Variants in FLRT2 observed in about 807,000 individuals in gnomAD.
FLRT2 encodes fibronectin leucine rich transmembrane protein 2.
FLRT2 carries 15 observed loss-of-function variants against 40.0 expected under a neutral mutation model. The observed-to-expected ratio is 0.38, with a 90% CI of 0.25 to 0.58. The LOEUF is 0.58. Among genes scored for constraint, FLRT2 ranks in the 20% least tolerant of loss-of-function variants. The probability of loss-of-function intolerance (pLI) is 0.71; values close to 1 mark genes in which losing one functional copy is unlikely to be tolerated. For synonymous variants in FLRT2, 380 were observed against 336.8 expected (o/e 1.13, Z -1.41); for missense variants, 726 against 840.0 (o/e 0.86, Z 1.68).
chr14:85,596,447 A>G (rs1471461584), intron 1 of FLRT2, among the ~76,000 whole-genome samples: 1 of 152,202 alleles, frequency 6.6e-6, no homozygotes, highest in Non-Finnish European at 1.5e-5. Context: ...TACGCCTTTT[A>G]CAATCATGGA....
At chr14:85,547,169 C>G (rs1889322361) in intron 1 of FLRT2, among the ~76,000 whole-genome samples, 2 of 152,098 alleles carry the variant, frequency 1.3e-5, no homozygotes, top group African/African-American at 2.4e-5. Context: ...GTTTGACTTT[C>G]AAGGTCCCTC....
intron 1 of FLRT2, among the ~76,000 whole-genome samples, chr14:85,539,583 G>A (rs1955408): frequency 0.88 from 133,420 of 152,114 alleles, 59,222 homozygotes; most frequent in Non-Finnish European, 0.95. Flanking sequence ...ATGTCAGCAT[G>A]CTTCTTTCTA....
Position 85,626,235 on chromosome 14 carries a change from T to C in FLRT2, c.*2738T>C, listed in dbSNP as rs1893677358. ...ATTGCCAAACAACTGTCCCTGGGGA[T>C]TCTGCTTTGATTGGCATTTTTAGTC... On this transcript the variant is annotated 3_prime_UTR_variant, in exon 2 of 2. Coordinates refer to ENST00000330753, the MANE Select transcript of FLRT2 (RefSeq NM_013231.6). 1 of 167,128 alleles carries C rather than the reference T, an allele frequency of 6.0e-6. No homozygotes were observed. Among genetic ancestry groups the C allele is most frequent in the Admixed American group, 6.5e-5 (1 of 15,292 alleles). 10.4% of individuals were successfully genotyped at this position (167,128 alleles called of 1,614,324 possible). A position where few individuals can be genotyped will look rare whatever the true frequency, so the allele number is the denominator to read the frequency against.
At chr14:85,567,969 G>T (rs1460629635) in intron 1 of FLRT2, among the ~76,000 whole-genome samples, 4 of 152,020 alleles carry the variant, frequency 2.6e-5, no homozygotes, top group Non-Finnish European at 5.9e-5. Flanking sequence ...GAGATCAGGG[G>T]AATGTTAACT....
In FLRT2 at chr14:85,621,342, G is replaced by A. The variant is rs112714788; in HGVS notation, c.-173G>A. On this transcript the variant is annotated 5_prime_UTR_variant, in exon 2 of 2. An upstream open reading frame in the 5' UTR loses its in-frame stop. Transcript: ENST00000330753. ...AGCAGCAAAGAGGGCAACACAGGCT[G>A]ATAAGACCAGAGACAGCAGGGAGAT... is the stretch of plus-strand genomic sequence containing the variant. 4.8e-3 allele frequency: 3,073 copies of A among 638,700 alleles called. 13 individuals carry two copies. Among genetic ancestry groups the A allele is most frequent in the Non-Finnish European group, 6.5e-3 (2,459 of 379,630 alleles). 39.6% of individuals were successfully genotyped at this position (638,700 alleles called of 1,614,324 possible). A position where few individuals can be genotyped will look rare whatever the true frequency, so the allele number is the denominator to read the frequency against.
intron 1 of FLRT2, among the ~76,000 whole-genome samples, chr14:85,549,764 G>T (rs1475092669): frequency 6.7e-6 from 1 of 149,986 alleles, no homozygotes; most frequent in African/African-American, 2.5e-5. Context: ...CTATCCCTTT[G>T]CCCTCCAATG....
chr14:85,594,836 T>C (rs1157392557), intron 1 of FLRT2, among the ~76,000 whole-genome samples: 1 of 152,204 alleles, frequency 6.6e-6, no homozygotes, highest in African/African-American at 2.4e-5. Flanking sequence ...TAGCCTATTG[T>C]TGAGTGGAAG....
At chr14:85,532,333 T>G (rs940913625) in intron 1 of FLRT2, among the ~76,000 whole-genome samples, 1 of 152,208 alleles carries the variant, frequency 6.6e-6, no homozygotes, top group African/African-American at 2.4e-5. Context: ...ACCGGACTTG[T>G]TACAACATGA....
intron 1 of FLRT2, among the ~76,000 whole-genome samples, chr14:85,619,614 T>A (rs779741931): frequency 7.2e-5 from 11 of 152,360 alleles, no homozygotes; most frequent in South Asian, 2.1e-4. Context: ...TTTTCTTTTT[T>A]AATTATATTT....
intron 1 of FLRT2, among the ~76,000 whole-genome samples, chr14:85,533,792 G>A (rs930772634): frequency 6.6e-6 from 1 of 151,578 alleles, no homozygotes; most frequent in African/African-American, 2.4e-5. Flanking sequence ...GCCCGCTGCG[G>A]GGAGGCGCGC....
chr14:85,550,957 GGCTTT>G (rs1889586742), intron 1 of FLRT2, among the ~76,000 whole-genome samples: 1 of 152,028 alleles, frequency 6.6e-6, no homozygotes, highest in African/African-American at 2.4e-5. Flanking sequence ...CACACGAGCT[GGCTTT>G]TCATTACCCT....
chr14:85,539,530 A>C (rs1177436556), intron 1 of FLRT2, among the ~76,000 whole-genome samples: 1 of 152,102 alleles, frequency 6.6e-6, no homozygotes, highest in Non-Finnish European at 1.5e-5. Context: ...GTGAGAAATA[A>C]ATGAGATTGC....
intron 1 of FLRT2, among the ~76,000 whole-genome samples, chr14:85,557,459 G>T (rs1187139852): frequency 6.6e-6 from 1 of 152,030 alleles, no homozygotes. Context: ...GGGGCACCTA[G>T]ATTTTCAAAA....
intron 1 of FLRT2, among the ~76,000 whole-genome samples, chr14:85,609,732 C>G (rs1892777634): frequency 6.6e-6 from 1 of 152,200 alleles, no homozygotes; most frequent in African/African-American, 2.4e-5. Context: ...GCTGGGGGAG[C>G]AGCCCCGCAC....
intron 1 of FLRT2, among the ~76,000 whole-genome samples, chr14:85,567,795 C>G (rs1359330114): frequency 6.6e-6 from 1 of 151,968 alleles, no homozygotes; most frequent in Non-Finnish European, 1.5e-5. Flanking sequence ...GGCGCGCCAC[C>G]ATGGCCGGCT....
At chr14:85,563,279 T>C (rs934403160) in intron 1 of FLRT2, among the ~76,000 whole-genome samples, 4 of 152,124 alleles carry the variant, frequency 2.6e-5, no homozygotes, top group Admixed American at 6.5e-5. Context: ...AATGGTGAGA[T>C]TGGAATGAGA....
chr14:85,545,242 C>G (rs573720614), intron 1 of FLRT2, among the ~76,000 whole-genome samples: 8 of 152,080 alleles, frequency 5.3e-5, no homozygotes, highest in African/African-American at 1.7e-4. Context: ...TGATATTGAT[C>G]GTAAGGTTTA....
chr14:85,535,343 AAG>A (rs1222286000), intron 1 of FLRT2, among the ~76,000 whole-genome samples: 1 of 89,422 alleles, frequency 1.1e-5, no homozygotes, highest in Non-Finnish European at 2.6e-5. Context: ...ATCCAATGAA[AAG>A]CCCCCCCCCA....
rs73317679 is a variant in FLRT2 at position 85,560,644 on chromosome 14, A to G, written c.-377+30110A>G. Among the ~76,000 whole-genome samples, 357 of 151,958 alleles carry G rather than the reference A, an allele frequency of 2.3e-3. 2 individuals are homozygous for G. Among genetic ancestry groups the G allele is most frequent in the African/African-American group, 8.0e-3 (334 of 41,508 alleles). On this transcript the variant is annotated intron_variant, in intron 1 of 1. Coordinates refer to ENST00000330753, the MANE Select transcript of FLRT2 (RefSeq NM_013231.6). Reference sequence around the variant, plus strand: ...AAAGAAAAAAAAGAAATGACATCACAAAAAAGGGCTGGCTCCTCATAAAGC... The same window carrying G: ...AAAGAAAAAAAAGAAATGACATCACGAAAAAGGGCTGGCTCCTCATAAAGC...
Sources: allele counts gnomAD v4.1 joint callset (sites outside exome capture counted in the v4.1 genomes callset), GRCh38; gene constraint gnomAD v4.1.1; transcripts MANE v1.5; gene names NCBI Gene and HGNC (gene_info 2026-07-23, HGNC 2026-07-21).